Variants in ZFAT observed in about 807,000 individuals in gnomAD.
ZFAT encodes the protein zinc finger protein ZFAT.
In ZFAT, 64 loss-of-function variants were observed where a neutral mutation model predicts 117.7. The ratio of observed to expected loss-of-function variants is 0.54; its 90% CI spans 0.44 to 0.67. The LOEUF is 0.67. Ranked by LOEUF, ZFAT falls within the 30% of genes least tolerant of loss-of-function variation. The pLI, the probability that ZFAT is intolerant of heterozygous loss-of-function variation, is 0.00. For synonymous variants in ZFAT, 679 were observed against 615.0 expected (o/e 1.10, Z -1.54); for missense variants, 1,433 against 1,584.5 (o/e 0.90, Z 1.62).
At chr8:134,712,810 C>CCCCCCCGAAAA in intron 1 of ZFAT, 35 bp downstream of exon 1, 1 of 1,024,536 alleles carries the variant, frequency 9.8e-7, no homozygotes, top group Non-Finnish European at 1.4e-6. Context: ...GCCCCACCCC[C>CCCCCCCGAAAA]ACCCCGTCTC....
At chr8:134,724,715 C>T in the ZFAT span, among the ~76,000 whole-genome samples, 1 of 152,050 alleles carries the variant, frequency 6.6e-6, no homozygotes, top group Non-Finnish European at 1.5e-5. Flanking sequence ...GTTACGTTAC[C>T]TGCCAGTCAA....
At chr8:134,797,223 T>C in the ZFAT span, 1 of 152,118 alleles carries the variant, frequency 6.6e-6, no homozygotes, top group Non-Finnish European at 1.5e-5. Context: ...ATATTAAGTA[T>C]AAATAAAATA....
chr8:134,512,882 G>A (rs1367316137), intron 13 of ZFAT, among the ~76,000 whole-genome samples: 2 of 152,240 alleles, frequency 1.3e-5, no homozygotes, highest in African/African-American at 4.8e-5. Context: ...CACAATTAGA[G>A]ATTTGACCAG....
At chr8:134,562,250 G>T (rs1428869130) in intron 11 of ZFAT, among the ~76,000 whole-genome samples, 2 of 152,144 alleles carry the variant, frequency 1.3e-5, no homozygotes, top group African/African-American at 4.8e-5. Flanking sequence ...AGAACCTCTA[G>T]AAAAAATGCA....
At chr8:134,502,153 T>C (rs903029771) in intron 15 of ZFAT, among the ~76,000 whole-genome samples, 1 of 152,216 alleles carries the variant, frequency 6.6e-6, no homozygotes, top group Non-Finnish European at 1.5e-5. Flanking sequence ...ACAAGTCTTA[T>C]AAAATGTTCA....
chr8:134,683,601 C>T (rs980893271), intron 1 of ZFAT, among the ~76,000 whole-genome samples: 1 of 152,132 alleles, frequency 6.6e-6, no homozygotes, highest in Non-Finnish European at 1.5e-5. Flanking sequence ...GAACCAAGAG[C>T]CTTGCCTGTT....
At chr8:134,802,305 C>T in the ZFAT span, among the ~76,000 whole-genome samples, 1 of 152,144 alleles carries the variant, frequency 6.6e-6, no homozygotes, top group African/African-American at 2.4e-5. Flanking sequence ...AAAAATATTA[C>T]CTGAGCACAC....
At chr8:134,795,943 G>C in the ZFAT span, 2 of 152,148 alleles carry the variant, frequency 1.3e-5, no homozygotes, top group African/African-American at 4.8e-5. Context: ...ATATTTTGGG[G>C]TATTGATTTC....
intron 7 of ZFAT, chr8:134,599,588 C>T (rs1036202716): frequency 2.8e-6 from 1 of 361,912 alleles, no homozygotes; most frequent in Admixed American, 4.0e-5. Context: ...CTACTCACCA[C>T]ACCCAAACAC....
At chr8:134,623,372 C>T (rs958776808) in intron 3 of ZFAT, among the ~76,000 whole-genome samples, 3 of 152,218 alleles carry the variant, frequency 2.0e-5, no homozygotes, top group Middle Eastern at 3.2e-3. Flanking sequence ...CACCCAGTCT[C>T]TACTCATGCC....
intron 11 of ZFAT, among the ~76,000 whole-genome samples, chr8:134,536,233 G>A (rs1821828303): frequency 6.6e-6 from 1 of 152,340 alleles, no homozygotes; most frequent in South Asian, 2.1e-4. Context: ...AGAGTTGAAA[G>A]AAACACTTGA....
chr8:134,590,441 C>A, intron 7 of ZFAT, 86 bp from the exon 8 acceptor site: 1 of 994,706 alleles, frequency 1.0e-6, no homozygotes. Context: ...ACCATCATCA[C>A]CCACCACCAC....
chr8:134,637,561 C>T lies in ZFAT; in HGVS notation c.348G>A (p.Leu116=). 1.2e-6 allele frequency: 2 copies of T among 1,614,242 alleles called. No individual in the cohort carries two copies. Among genetic ancestry groups the T allele is most frequent in the Non-Finnish European group, 1.7e-6 (2 of 1,180,040 alleles). ...ACTTCCGACAGCACTTGCTACACTC[C>T]AAGCTGCTTGGAGGCAGGCTGTTCC... ...EEGNSLPPSS[L]ECSKCCRKFS... is the part of the protein sequence containing the mutation. The change falls in exon 3 of 16, where the codon TTG becomes TTA. Residue 116 remains leucine, a synonymous_variant. Transcript: ENST00000377838.
chr8:134,589,775 T>C (rs1826324898), intron 8 of ZFAT, among the ~76,000 whole-genome samples: 1 of 152,198 alleles, frequency 6.6e-6, no homozygotes, highest in African/African-American at 2.4e-5. Flanking sequence ...GAAGGGAAAA[T>C]GTTCCAGGTG....
chr8:134,479,701 C>G (rs903214251), intron 15 of ZFAT, among the ~76,000 whole-genome samples: 2 of 152,146 alleles, frequency 1.3e-5, no homozygotes, highest in African/African-American at 4.8e-5. Flanking sequence ...CCAGGTGAGT[C>G]TGAATGGCAA....
In ZFAT at chr8:134,572,747, A is replaced by G. The variant is rs145733014; in HGVS notation, c.2888-7326T>C. On this transcript the variant is annotated intron_variant, in intron 10 of 15. Transcript: ENST00000377838. The stretch of plus-strand genomic sequence containing the variant: ...GCTGAGTCATACCACTTTTTGGAGA[A>G]ACACTCTTGCAGAACACATGCTCCA... Among the ~76,000 whole-genome samples, 136 of 152,288 alleles carry G rather than the reference A, an allele frequency of 8.9e-4. 1 individual carries two copies. Among genetic ancestry groups the G allele is most frequent in the Middle Eastern group, 3.4e-3 (1 of 294 alleles).
chr8:134,501,577 G>A (rs1002289828), intron 15 of ZFAT, among the ~76,000 whole-genome samples: 2 of 152,120 alleles, frequency 1.3e-5, no homozygotes, highest in African/African-American at 4.8e-5. Context: ...AAGATGCTAG[G>A]GTTCCATTAC....
the ZFAT span, among the ~76,000 whole-genome samples, chr8:134,733,197 C>A: frequency 2.0e-5 from 3 of 152,150 alleles, no homozygotes; most frequent in Admixed American, 6.5e-5. Flanking sequence ...TGTCTTCATG[C>A]AAATATCTGG....
At chr8:134,801,718 T>G in the ZFAT span, among the ~76,000 whole-genome samples, 1 of 152,220 alleles carries the variant, frequency 6.6e-6, no homozygotes, top group East Asian at 1.9e-4. Context: ...AATATACTTT[T>G]TCTCTGGGAG....
Sources: allele counts gnomAD v4.1 joint callset (sites outside exome capture counted in the v4.1 genomes callset), GRCh38; gene constraint gnomAD v4.1.1; transcripts MANE v1.5; gene names NCBI Gene and HGNC (gene_info 2026-07-23, HGNC 2026-07-21).